CCR6: variants seen among roughly 807,000 people sequenced by gnomAD.
CCR6 encodes C-C motif chemokine receptor 6, also known as C-C chemokine receptor type 6.
CCR6 carries 2 observed loss-of-function variants against 3.0 expected under a neutral mutation model. The observed-to-expected ratio is 0.66, with a 90% CI of 0.27 to 2.07. The LOEUF (loss-of-function observed/expected upper bound fraction) is 2.07, where lower values mean the gene tolerates loss of function less well. Ranked by LOEUF, CCR6 falls within the 30% of genes most tolerant of loss-of-function variation. The pLI, the probability that CCR6 is intolerant of heterozygous loss-of-function variation, is 0.14. For missense variants in CCR6, 322 were observed against 462.8 expected (o/e 0.70, Z 2.79); for synonymous variants, 193 against 184.3 (o/e 1.05, Z -0.38).
chr6:167,119,048 C>G (rs1781544593), upstream of CCR6: 1 of 152,624 alleles, frequency 6.6e-6, no homozygotes, highest in African/African-American at 2.4e-5. Flanking sequence ...CCTTCCGGTC[C>G]TGCAGCCACC....
At chr6:167,125,754 G>A (rs36085676) in intron 1 of CCR6, among the ~76,000 whole-genome samples, 6,000 of 152,088 alleles carry the variant, frequency 0.039, 326 homozygotes, top group African/African-American at 0.12. Context: ...AAATGAATTA[G>A]CCAATTAATT....
chr6:167,118,035 A>C (rs1781528813), upstream of CCR6, among the ~76,000 whole-genome samples: 3 of 150,668 alleles, frequency 2.0e-5, no homozygotes. Context: ...TTCCAGCTTC[A>C]GTCTGTCCTT....
At chr6:167,116,987 C>G (rs1210214241) in intron 1 of CCR6, 5 of 152,286 alleles carry the variant, frequency 3.3e-5, no homozygotes, top group Admixed American at 2.6e-4. Flanking sequence ...TCCCTCCCCT[C>G]CCGCGGTGGG....
chr6:167,134,309 T>A (rs928161092), intron 1 of CCR6, among the ~76,000 whole-genome samples: 2 of 152,146 alleles, frequency 1.3e-5, no homozygotes, highest in African/African-American at 4.8e-5. Context: ...CGTCACATGC[T>A]TTTGCAACAC....
intron 1 of CCR6, among the ~76,000 whole-genome samples, chr6:167,132,958 T>C (rs371092925): frequency 4.6e-5 from 7 of 152,376 alleles, no homozygotes; most frequent in East Asian, 3.9e-4. Context: ...CATTTCCCCC[T>C]GTTTCTTATT....
intron 1 of CCR6, among the ~76,000 whole-genome samples, chr6:167,133,070 A>G (rs975743830): frequency 3.9e-5 from 6 of 152,182 alleles, no homozygotes; most frequent in Non-Finnish European, 5.9e-5. Context: ...TTCAATATAT[A>G]TATGTTTCAC....
Position 167,136,689 on chromosome 6 carries a change from A to C in CCR6, c.459A>C (p.Ser153=). ...TCGCCATTGTACAGGCGACTAAGTC[A>C]TTCCGGCTCCGATCCAGAACACTAC... ...RYIAIVQATK[S]FRLRSRTLPR... Residue 153 remains serine (S), a synonymous_variant, in exon 3 of 3, where the codon TCA becomes TCC. Coordinates refer to ENST00000341935, the MANE Select transcript of CCR6 (RefSeq NM_031409.4). This position sits in a 1 kb window ranked among gnomAD's most constrained non-coding sequence, Gnocchi z 4.6. 6.2e-7 allele frequency: 1 copy of C among 1,614,162 alleles called. No homozygotes were observed. The highest frequency in any genetic ancestry group is 8.5e-7 in the Non-Finnish European group (1 of 1,180,034).
chr6:167,133,743 G>A (rs1781803919), intron 1 of CCR6, among the ~76,000 whole-genome samples: 2 of 151,422 alleles, frequency 1.3e-5, no homozygotes, highest in Non-Finnish European at 2.9e-5. Context: ...AACATGAAAT[G>A]TCATTGAAAA....
rs1294759257 is a variant in CCR6, at chr6:167,137,531, T to G, written c.*176T>G. On this transcript the variant is annotated 3_prime_UTR_variant, in exon 3 of 3. Transcript: ENST00000341935. The surrounding 1 kb of genome is among the most constrained non-coding windows in gnomAD (Gnocchi z 4.6). ...GTGTGATCTCTTCAGGGTGGGGTGGTCTCTGATAGGTAGCATTTTCCAGCA... is the reference window on the plus strand; with the variant it reads ...GTGTGATCTCTTCAGGGTGGGGTGGGCTCTGATAGGTAGCATTTTCCAGCA... 1 of 608,374 alleles carries G rather than the reference T, an allele frequency of 1.6e-6. No individual in the cohort carries two copies. The highest frequency in any genetic ancestry group is 1.8e-5 in the African/African-American group (1 of 54,116). The allele number at this position is 608,374 out of a possible 1,614,324, so 37.7% of individuals were successfully genotyped here.
chr6:167,114,527 G>A (rs1781464499), intron 1 of CCR6, among the ~76,000 whole-genome samples: 1 of 152,106 alleles, frequency 6.6e-6, no homozygotes, highest in Admixed American at 6.5e-5. Flanking sequence ...CAGTCCAGAG[G>A]CATCACTTCA....
At chr6:167,123,865 A>G (rs529727690) in intron 1 of CCR6, among the ~76,000 whole-genome samples, 6 of 152,206 alleles carry the variant, frequency 3.9e-5, no homozygotes, top group Non-Finnish European at 8.8e-5. Flanking sequence ...TAATCTCAGC[A>G]CTTTGGGAGA....
chr6:167,129,977 ACTC>A (rs1311155138), intron 1 of CCR6, among the ~76,000 whole-genome samples: 1 of 151,610 alleles, frequency 6.6e-6, no homozygotes, highest in South Asian at 2.1e-4. Context: ...AGCCCCTGAA[ACTC>A]CTCCTCCAAA....
Position 167,136,609 on chromosome 6 carries a change from A to G in CCR6, c.379A>G (p.Ile127Val). The G allele has an allele frequency of 2.5e-6, 4 of 1,613,578 alleles. No individual in the cohort carries two copies. The highest frequency in any genetic ancestry group is 3.4e-6 in the Non-Finnish European group (4 of 1,179,632). The change falls in exon 3 of 3, where the codon ATC becomes GTC. Residue 127 changes from isoleucine (I) to valine (V), a missense_variant. Coordinates refer to ENST00000341935, the MANE Select transcript of CCR6 (RefSeq NM_031409.4). The surrounding 1 kb of genome is among the most constrained non-coding windows in gnomAD (Gnocchi z 4.6). Reference sequence around the variant, plus strand: ...CAAGTTGCTAAAAGGCATCTATGCCATCAACTTTAACTGCGGGATGCTGCT... The same window carrying G: ...CAAGTTGCTAAAAGGCATCTATGCCGTCAACTTTAACTGCGGGATGCTGCT... ...TCKLLKGIYA[I>V]NFNCGMLLLT...
At chr6:167,121,756 G>C (rs1396865236), upstream of CCR6, among the ~76,000 whole-genome samples, 1 of 152,226 alleles carries the variant, frequency 6.6e-6, no homozygotes, top group African/African-American at 2.4e-5. Context: ...TCTGTTAGAG[G>C]AAAACAGCCA....
chr6:167,123,931 G>A (rs1291312038), intron 1 of CCR6, among the ~76,000 whole-genome samples: 4 of 152,186 alleles, frequency 2.6e-5, no homozygotes, highest in African/African-American at 9.7e-5. Flanking sequence ...GGCCAACATG[G>A]TAAAATCCCG....
In CCR6 at chr6:167,113,293, G is replaced by T. The variant is rs1460732864; in HGVS notation, c.-98+1279G>T. 5.3e-5 allele frequency among the ~76,000 whole-genome samples: 8 copies of T among 152,178 alleles called. No individual in the cohort carries two copies. The East Asian group carries it at 1.5e-3, about 29-fold the overall frequency. On this transcript the variant is annotated intron_variant, in intron 1 of 2. Coordinates refer to the CCR6 transcript ENST00000400926. The stretch of plus-strand genomic sequence containing the variant: ...ATTTTAGGCACAGTTCTGATAAGGG[G>T]GGGCTGTTTGGTTTCCCAGCCCAGA...
chr6:167,130,975 C>CCCCTCCCTCCGGG (rs1491335734), intron 1 of CCR6, among the ~76,000 whole-genome samples: 6,231 of 130,640 alleles, frequency 0.048, 654 homozygotes, highest in African/African-American at 0.087. Context: ...CCTCTGGGAC[C>CCCCTCCCTCCGGG]ACCCTCCCTC....
chr6:167,119,625 C>A (rs1364618867), upstream of CCR6, among the ~76,000 whole-genome samples: 7 of 152,202 alleles, frequency 4.6e-5, no homozygotes, highest in Non-Finnish European at 1.5e-5. Context: ...ATACAGTGAG[C>A]ATTGAAGGAT....
At chr6:167,133,932 G>GTGTATGTATATATA (rs1183741225) in intron 1 of CCR6, among the ~76,000 whole-genome samples, 2 of 110,396 alleles carry the variant, frequency 1.8e-5, no homozygotes, top group African/African-American at 8.7e-5. Flanking sequence ...ATATATGTGT[G>GTGTATGTATATATA]TATATATATA....
Sources: gnomAD v4.1 joint callset for allele counts (sites outside exome capture counted in the v4.1 genomes callset) on GRCh38, gnomAD v4.1.1 for gene constraint, Gnocchi (gnomAD v3.1) non-coding constraint, MANE v1.5 for transcripts, NCBI Gene and HGNC (gene_info 2026-07-23, HGNC 2026-07-21) for gene names.